RIMS2: variants seen among roughly 807,000 people sequenced by gnomAD.
RIMS2 encodes regulating synaptic membrane exocytosis 2, also known as regulating synaptic membrane exocytosis protein 2.
Under a neutral mutation model 174.4 loss-of-function variants are expected in RIMS2, and 59 were observed. The observed-to-expected ratio is 0.34, with a 90% CI of 0.27 to 0.42. The LOEUF (loss-of-function observed/expected upper bound fraction) is 0.42, where lower values mean the gene tolerates loss of function less well. Among genes scored for constraint, RIMS2 ranks in the 10% least tolerant of loss-of-function variants. RIMS2 has a pLI of 1.00. For missense variants in RIMS2, 1,620 were observed against 1,666.3 expected (o/e 0.97, Z 0.48); for synonymous variants, 606 against 572.5 (o/e 1.06, Z -0.84).
At chr8:103,971,231 T>G (rs558609736) in intron 15 of RIMS2, among the ~76,000 whole-genome samples, 4 of 152,304 alleles carry the variant, frequency 2.6e-5, no homozygotes, top group Non-Finnish European at 5.9e-5. Context: ...ATGTTGAGGG[T>G]TTAATTATGT....
intron 19 of RIMS2, among the ~76,000 whole-genome samples, chr8:104,140,531 C>CT (rs1170233254): frequency 1.3e-5 from 2 of 152,046 alleles, no homozygotes; most frequent in Non-Finnish European, 2.9e-5. Flanking sequence ...TAAATGGAGG[C>CT]TTTGCACAAA....
chr8:103,617,516 A>T (rs2134456262), intron 1 of RIMS2, among the ~76,000 whole-genome samples: 1 of 152,296 alleles, frequency 6.6e-6, no homozygotes, highest in East Asian at 1.9e-4. Context: ...CATGTGATCT[A>T]ATTAAACTGA....
At chr8:104,190,167 T>C (rs1399831801) in intron 19 of RIMS2, among the ~76,000 whole-genome samples, 1 of 152,032 alleles carries the variant, frequency 6.6e-6, no homozygotes, top group Non-Finnish European at 1.5e-5. Flanking sequence ...CTGGATGTGG[T>C]GGTACATGGC....
At chr8:103,781,738 CTTTTTTTTTTTT>C (rs11308922) in intron 3 of RIMS2, among the ~76,000 whole-genome samples, 2 of 88,492 alleles carry the variant, frequency 2.3e-5, no homozygotes, top group Non-Finnish European at 2.2e-5. Context: ...CTCCCCTAAT[CTTTTTTTTTTTT>C]TTTTTTTTTT....
intron 17 of RIMS2, among the ~76,000 whole-genome samples, chr8:104,005,357 C>T (rs1240933143): frequency 3.9e-5 from 6 of 152,106 alleles, no homozygotes; most frequent in Non-Finnish European, 8.8e-5. Context: ...CTCCTGGATT[C>T]CTGGACTGTG....
intron 19 of RIMS2, among the ~76,000 whole-genome samples, chr8:104,158,636 C>T (rs1409449830): frequency 2.0e-5 from 3 of 152,186 alleles, no homozygotes; most frequent in Non-Finnish European, 4.4e-5. Flanking sequence ...ATTTGCATTT[C>T]TCTGATGACC....
chr8:103,570,151 A>T (rs1205259988), intron 1 of RIMS2, among the ~76,000 whole-genome samples: 1 of 152,086 alleles, frequency 6.6e-6, no homozygotes. Flanking sequence ...GTGTTGCCCT[A>T]AATCCCTCCC....
At chr8:104,166,188 T>G (rs2098796844) in intron 19 of RIMS2, among the ~76,000 whole-genome samples, 1 of 148,946 alleles carries the variant, frequency 6.7e-6, no homozygotes. Flanking sequence ...TGCCTCAGCC[T>G]CCCGAGTAGC....
chr8:104,029,357 A>G (rs567873630), intron 19 of RIMS2, among the ~76,000 whole-genome samples: 1 of 152,272 alleles, frequency 6.6e-6, no homozygotes, highest in African/African-American at 2.4e-5. Flanking sequence ...CCCCTATTCA[A>G]CATGCAGTTG....
intron 1 of RIMS2, among the ~76,000 whole-genome samples, chr8:103,558,730 T>C (rs1458812695): frequency 6.6e-6 from 1 of 152,086 alleles, no homozygotes; most frequent in Non-Finnish European, 1.5e-5. Flanking sequence ...AAGTCAGAAG[T>C]AGGACAGAGA....
intron 10 of RIMS2, among the ~76,000 whole-genome samples, chr8:103,925,990 G>A (rs1005373269): frequency 7.9e-5 from 12 of 151,664 alleles, no homozygotes; most frequent in African/African-American, 2.9e-4. Context: ...CATGGGTGAA[G>A]ATTAGGTGTA....
chr8:103,801,510 C>T (rs1221557004), intron 3 of RIMS2, among the ~76,000 whole-genome samples: 2 of 152,150 alleles, frequency 1.3e-5, no homozygotes, highest in African/African-American at 2.4e-5. Context: ...TCTTTTTCAA[C>T]ATAACCTTTT....
chr8:103,567,102 A>G (rs535110873), intron 1 of RIMS2, among the ~76,000 whole-genome samples: 2 of 152,144 alleles, frequency 1.3e-5, no homozygotes, highest in Non-Finnish European at 2.9e-5. Context: ...TTTTATGACT[A>G]CTTTCACTTA....
chr8:104,247,228 C>A lies in RIMS2; in HGVS notation c.3477-1473C>A, dbSNP rs905832915. 2.6e-5 allele frequency among the ~76,000 whole-genome samples: 4 copies of A among 152,256 alleles called. No individual in the cohort carries two copies. The Middle Eastern group carries it at 0.014, about 518-fold the overall frequency. On this transcript the variant is annotated intron_variant, in intron 20 of 23. Coordinates refer to ENST00000504942, the Ensembl canonical transcript of RIMS2. The stretch of plus-strand genomic sequence containing the variant: ...TTGCCAGGGCTACCATAATAAAATA[C>A]CACAGGCTGGGTGGCTTAAAAAGCA...
At chr8:103,758,568 C>T (rs1032540001) in intron 2 of RIMS2, among the ~76,000 whole-genome samples, 1 of 152,122 alleles carries the variant, frequency 6.6e-6, no homozygotes, top group Non-Finnish European at 1.5e-5. Context: ...ACTTCTAGTT[C>T]TGTTAAACCA....
chr8:103,605,540 T>C (rs1220605261), intron 1 of RIMS2, among the ~76,000 whole-genome samples: 1 of 151,504 alleles, frequency 6.6e-6, no homozygotes, highest in Non-Finnish European at 1.5e-5. Context: ...GGATTCCCTC[T>C]TTTTCTATTG....
chr8:103,817,298 A>G (rs984188571), intron 3 of RIMS2, among the ~76,000 whole-genome samples: 3 of 152,190 alleles, frequency 2.0e-5, no homozygotes, highest in African/African-American at 7.2e-5. Context: ...CTATTCATCT[A>G]TTGAAATTGG....
intron 19 of RIMS2, among the ~76,000 whole-genome samples, chr8:104,053,034 G>A (rs1324232710): frequency 1.3e-5 from 2 of 152,160 alleles, no homozygotes; most frequent in African/African-American, 2.4e-5. Context: ...CTGAAGTAAG[G>A]TCCAATAGAA....
chr8:103,816,961 G>C lies in RIMS2; in HGVS notation c.698+50424G>C, dbSNP rs144091183. ...AATCACCTTCTTACTTAGTAGACTT[G>C]TTTCTAAAGGGGTTCTGATTATTTA... On this transcript the variant is annotated intron_variant, in intron 3 of 23. Coordinates refer to ENST00000504942, the Ensembl canonical transcript of RIMS2. Among the ~76,000 whole-genome samples the C allele has an allele frequency of 6.1e-3, 935 of 152,156 alleles. 11 individuals carry two copies. Among genetic ancestry groups the C allele is most frequent in the African/African-American group, 0.021 (885 of 41,510 alleles).
Sources: gnomAD v4.1 joint callset for allele counts (sites outside exome capture counted in the v4.1 genomes callset) on GRCh38, gnomAD v4.1.1 for gene constraint, MANE v1.5 for transcripts, NCBI Gene and HGNC (gene_info 2026-07-23, HGNC 2026-07-21) for gene names.